Variants in XDH observed in about 807,000 individuals in gnomAD.
XDH encodes xanthine dehydrogenase/oxidase.
A neutral mutation model predicts 156.1 loss-of-function variants in XDH; 138 were observed. The observed-to-expected ratio is 0.88, with a 90% CI of 0.77 to 1.02. XDH has a LOEUF of 1.02. XDH is among the 50% of genes least tolerant of loss of function. The pLI is 0.00. For missense variants in XDH, 1,849 were observed against 1,684.9 expected, an observed-to-expected ratio of 1.10 and a Z score of -1.71; for synonymous variants, 669 against 625.7, an observed-to-expected ratio of 1.07 and a Z score of -1.03.
chr2:31,398,610 G>C lies in XDH; in HGVS notation c.396C>G (p.Pro132=), dbSNP rs761129062. The C allele has an allele frequency of 6.2e-7, 1 of 1,614,132 alleles. No homozygotes were observed. Residue 132 remains proline, a synonymous_variant, in exon 5 of 36, where the codon CCC becomes CCG. Transcript: ENST00000379416. The part of the protein sequence containing the change: ...MSMYTLLRNQ[P]EPTMEEIENA... ...TCTCAATCTCCTCCATGGTGGGCTCGGGCTGATTCCGGAGCAGTGTGTACA... is the reference window on the plus strand; with the variant it reads ...TCTCAATCTCCTCCATGGTGGGCTCCGGCTGATTCCGGAGCAGTGTGTACA...
At position 31,386,552 on chromosome 2, in the gene XDH, G is replaced by C. The variant is rs1437354196; in HGVS notation, c.655C>G (p.Leu219Val). The C allele has an allele frequency of 6.2e-7, 1 of 1,614,018 alleles. No homozygotes were observed. Among genetic ancestry groups the C allele is most frequent in the Non-Finnish European group, 8.5e-7 (1 of 1,180,034 alleles). ...EPIFPPELLR[L>V]KDTPRKQLRF... ...AGCTGCTTCCGAGGAGTGTCTTTCA[G>C]CCTCTGGGAAATGCAGTTTTCTTAC... Residue 219 changes from leucine to valine, a missense_variant, in exon 9 of 36, where the codon CTG becomes GTG. Coordinates refer to ENST00000379416, the MANE Select transcript of XDH (RefSeq NM_000379.4).
intron 18 of XDH, 133 bp from the exon 19 acceptor site, chr2:31,368,793 C>T: frequency 1.3e-6 from 2 of 1,521,322 alleles, no homozygotes; most frequent in Non-Finnish European, 1.8e-6. Flanking sequence ...GCCCTAGGGC[C>T]TCTTAATTTC....
At chr2:31,347,163 T>C (rs746257398) in intron 29 of XDH, among the ~76,000 whole-genome samples, 1 of 152,208 alleles carries the variant, frequency 6.6e-6, no homozygotes, top group Non-Finnish European at 1.5e-5. Context: ...ATCCCCCATA[T>C]GGCAGAGGAG....
rs750726140 is a variant in XDH, at chr2:31,388,207, G to A, written c.564+20C>T. The stretch of plus-strand genomic sequence containing the variant: ...TCTCAGATTACCCCCAGGCTTCCAG[G>A]GGGAGAAGAACTCACTTACTGAGTG... On this transcript the variant is annotated intron_variant, in intron 7 of 35. Coordinates refer to ENST00000379416, the MANE Select transcript of XDH (RefSeq NM_000379.4). The A allele has an allele frequency of 1.1e-5, 17 of 1,613,822 alleles. No individual in the cohort carries two copies. The highest frequency in any genetic ancestry group is 1.2e-5 in the Non-Finnish European group (14 of 1,179,858).
rs773873425 is a variant in XDH at position 31,365,533 on chromosome 2, G to C, written c.2468C>G (p.Pro823Arg). 1.2e-6 allele frequency: 2 copies of C among 1,614,168 alleles called. No homozygotes were observed. The highest frequency in any genetic ancestry group is 1.7e-6 in the Non-Finnish European group (2 of 1,180,030). The change falls in exon 23 of 36, where the codon CCT (proline) becomes CGT (arginine). Residue 823 changes from proline (P) to arginine (R), a missense_variant. Physicochemically the swap from Pro to Arg is moderately radical, Grantham distance 103 (BLOSUM62 -2). Coordinates refer to ENST00000379416, the MANE Select transcript of XDH (RefSeq NM_000379.4). ...ATCACGGTCCAGCATGCATCGCACA[G>C]GGCGGCCGGTCCTGGGGGTTACCGA... Reference protein sequence around the residue: ...VALAAYKTGRPVRCMLDRDED... With the variant: ...VALAAYKTGRRVRCMLDRDED...
chr2:31,399,046 C>T (rs189789696), intron 4 of XDH, among the ~76,000 whole-genome samples: 6 of 152,338 alleles, frequency 3.9e-5, no homozygotes, highest in Admixed American at 3.9e-4. Flanking sequence ...AGAACAGTGA[C>T]TATCATAACC....
chr2:31,394,612 C>T lies in XDH; in HGVS notation c.495+3056G>A, dbSNP rs367619312. 1.5e-3 allele frequency among the ~76,000 whole-genome samples: 225 copies of T among 152,214 alleles called. 1 individual carries two copies. Among genetic ancestry groups the T allele is most frequent in the African/African-American group, 5.1e-3 (214 of 41,570 alleles). On this transcript the variant is annotated intron_variant, in intron 6 of 35. Coordinates refer to ENST00000379416, the MANE Select transcript of XDH (RefSeq NM_000379.4). Reference sequence around the variant, plus strand: ...GGGAAATTCTCAGTCATTTTTGTTTCAAATATTGCTTCTTTTCCTTTCTCT... The same window carrying T: ...GGGAAATTCTCAGTCATTTTTGTTTTAAATATTGCTTCTTTTCCTTTCTCT...
At position 31,401,223 on chromosome 2, in the gene XDH, C is replaced by G. The variant is rs945163141; in HGVS notation, c.303G>C (p.Val101=). ...CAGCTCCCTTTCCTCTGTTTACCTG[C>G]ACAGGATGCAGCCTCGTCTTGGTGC... ...IGSTKTRLHP[V]QERIAKSHGS... is the part of the protein sequence containing the mutation. The change falls in exon 4 of 36, where the codon GTG becomes GTC. Residue 101 remains valine (V), a synonymous_variant. Coordinates refer to ENST00000379416, the MANE Select transcript of XDH (RefSeq NM_000379.4). The G allele has an allele frequency of 2.5e-6, 4 of 1,614,156 alleles. No individual in the cohort carries two copies. The highest frequency in any genetic ancestry group is 3.4e-6 in the Non-Finnish European group (4 of 1,180,026).
chr2:31,396,704 C>A (rs905557067), intron 6 of XDH, among the ~76,000 whole-genome samples: 1 of 152,180 alleles, frequency 6.6e-6, no homozygotes, highest in Non-Finnish European at 1.5e-5. Flanking sequence ...GGTCGTGCAT[C>A]AATTAAGTGC....
At chr2:31,339,379 G>GTCC (rs1685058743) in intron 34 of XDH, 110 bp downstream of exon 34, 1 of 1,435,632 alleles carries the variant, frequency 7.0e-7, no homozygotes, top group Admixed American at 1.7e-5. Flanking sequence ...CCCTCCTCAA[G>GTCC]ATATGCCCTT....
rs997497552 is a variant in XDH, at chr2:31,360,413, A to G, written c.2631+3745T>C. Among the ~76,000 whole-genome samples, 12 of 152,300 alleles carry G rather than the reference A, an allele frequency of 7.9e-5. No individual in the cohort carries two copies. The Middle Eastern group carries it at 0.014, about 173-fold the overall frequency. On this transcript the variant is annotated intron_variant, in intron 24 of 35. Coordinates refer to ENST00000379416, the MANE Select transcript of XDH (RefSeq NM_000379.4). ...CTACTTGGGAGGCTGAGGCAGGAGA[A>G]TCACTTGAACCCAGGAGGCGGAGGT... is the stretch of plus-strand genomic sequence containing the variant.
chr2:31,387,058 G>A (rs1355804233), intron 8 of XDH, among the ~76,000 whole-genome samples: 1 of 150,138 alleles, frequency 6.7e-6, no homozygotes, highest in Non-Finnish European at 1.5e-5. Flanking sequence ...TTGTTATAAG[G>A]GGATGCCTAG....
intron 24 of XDH, among the ~76,000 whole-genome samples, chr2:31,353,466 A>G (rs1021968964): frequency 6.6e-6 from 1 of 152,186 alleles, no homozygotes; most frequent in African/African-American, 2.4e-5. Flanking sequence ...CAACCACAAC[A>G]ACAATGTAAG....
At chr2:31,364,080 G>A in intron 24 of XDH, 78 bp downstream of exon 24, 1 of 1,364,820 alleles carries the variant, frequency 7.3e-7, no homozygotes, top group South Asian at 1.2e-5. Flanking sequence ...CAGGGACTGG[G>A]GAGGCCTGTG....
At chr2:31,372,601 C>A (rs1686107539) in intron 16 of XDH, among the ~76,000 whole-genome samples, 1 of 152,152 alleles carries the variant, frequency 6.6e-6, no homozygotes. Flanking sequence ...TATAAAAGAA[C>A]AACAAGAAAA....
chr2:31,404,182 C>A (rs1456159870), intron 2 of XDH, among the ~76,000 whole-genome samples: 1 of 152,198 alleles, frequency 6.6e-6, no homozygotes, highest in Admixed American at 6.5e-5. Context: ...AGCCATCGGA[C>A]TCCAGACTGG....
At position 31,335,733 on chromosome 2, in the gene XDH, T is replaced by C. The variant is rs1558669911; in HGVS notation, c.*225A>G. On this transcript the variant is annotated 3_prime_UTR_variant, in exon 36 of 36. Coordinates refer to ENST00000379416, the MANE Select transcript of XDH (RefSeq NM_000379.4). ...GACAGAAAATGATCCTAATTGCATA[T>C]TCACCATTTAGGCATAACAGTTTTG... 8 of 619,160 alleles carry C rather than the reference T, an allele frequency of 1.3e-5. No individual in the cohort carries two copies. Among genetic ancestry groups the C allele is most frequent in the Non-Finnish European group, 2.0e-5 (7 of 346,800 alleles). 38.4% of individuals were successfully genotyped at this position (619,160 alleles called of 1,614,324 possible). A position where few individuals can be genotyped will look rare whatever the true frequency, so the allele number is the denominator to read the frequency against.
chr2:31,357,671 T>C (rs1685661149), intron 24 of XDH, among the ~76,000 whole-genome samples: 1 of 151,942 alleles, frequency 6.6e-6, no homozygotes, highest in Non-Finnish European at 1.5e-5. Flanking sequence ...AAATATATGA[T>C]AATTTATCGT....
intron 9 of XDH, 129 bp downstream of exon 9, chr2:31,386,285 G>C (rs1443230577): frequency 2.3e-6 from 3 of 1,278,944 alleles, no homozygotes; most frequent in Non-Finnish European, 2.2e-6. Context: ...GTGGGCTCCA[G>C]GTAGTCAGTG....
Sources: allele counts gnomAD v4.1 joint callset (sites outside exome capture counted in the v4.1 genomes callset), GRCh38; gene constraint gnomAD v4.1.1; transcripts MANE v1.5; gene names NCBI Gene and HGNC (gene_info 2026-07-23, HGNC 2026-07-21).